Variants in ACER3 observed in about 807,000 individuals in gnomAD.
ACER3 encodes the protein alkCDase 3.
ACER3 carries 16 observed loss-of-function variants against 48.9 expected under a neutral mutation model. The ratio of observed to expected loss-of-function variants is 0.33; its 90% CI spans 0.22 to 0.50. ACER3 has a LOEUF of 0.50. Among genes scored for constraint, ACER3 ranks in the 20% least tolerant of loss-of-function variants. The pLI, the probability that ACER3 is intolerant of heterozygous loss-of-function variation, is 0.98. For missense variants in ACER3, 227 were observed against 326.0 expected, an observed-to-expected ratio of 0.70 and a Z score of 2.34; for synonymous variants, 109 against 107.8, an observed-to-expected ratio of 1.01 and a Z score of -0.07.
At position 76,960,350 on chromosome 11, in the gene ACER3, A is replaced by C. The variant is rs1947955539; in HGVS notation, c.267+1319A>C. ...CTTGAGCCTGGGAGGCGGAGATCGC[A>C]GTAAGCCAAGATCACGCCACTGCAC... On this transcript the variant is annotated intron_variant, in intron 3 of 10. Coordinates refer to ENST00000532485, the MANE Select transcript of ACER3 (RefSeq NM_018367.7). 2.0e-5 allele frequency among the ~76,000 whole-genome samples: 3 copies of C among 152,026 alleles called. No homozygotes were observed. The South Asian group carries it at 6.2e-4, about 32-fold the overall frequency.
At position 76,948,211 on chromosome 11, in the gene ACER3, C is replaced by CTGTGTA. The variant is rs1427598124; in HGVS notation, c.215-10763_215-10762insATGTGT. Among the ~76,000 whole-genome samples, 945 of 135,732 alleles carry CTGTGTA rather than the reference C, an allele frequency of 7.0e-3. 22 individuals carry two copies. The highest frequency in any genetic ancestry group is 0.02 in the African/African-American group (729 of 37,122). The allele number at this position is 135,732 out of a possible 152,430, so 89.0% of individuals were successfully genotyped here. A position where few individuals can be genotyped will look rare whatever the true frequency, so the allele number is the denominator to read the frequency against. ...TGCTGTAGCTCCATTCTGGCTCACT[C>CTGTGTA]TGTGTGTGTGTGTGTGTGTGTGTGT... On this transcript the variant is annotated intron_variant, in intron 2 of 10. Coordinates refer to ENST00000532485, the MANE Select transcript of ACER3 (RefSeq NM_018367.7).
At chr11:76,971,938 C>T (rs635835) in intron 3 of ACER3, among the ~76,000 whole-genome samples, 121,682 of 152,150 alleles carry the variant, frequency 0.8, 48,911 homozygotes, top group South Asian at 0.88. Context: ...AAAGCCTGTT[C>T]GCATCTGTTG....
intron 1 of ACER3, among the ~76,000 whole-genome samples, chr11:76,889,694 A>G (rs1471394330): frequency 6.6e-6 from 1 of 152,072 alleles, no homozygotes; most frequent in Non-Finnish European, 1.5e-5. Flanking sequence ...AGTTTCATGT[A>G]TTTGCATACA....
chr11:76,998,669 A>T, intron 6 of ACER3, 94 bp from the exon 7 acceptor site: 1 of 779,366 alleles, frequency 1.3e-6, no homozygotes, highest in Non-Finnish European at 2.1e-6. Flanking sequence ...ATAAATATTT[A>T]CATTTAATTG....
intron 1 of ACER3, among the ~76,000 whole-genome samples, chr11:76,876,514 C>T (rs967866327): frequency 6.6e-6 from 1 of 152,188 alleles, no homozygotes; most frequent in African/African-American, 2.4e-5. Context: ...CTGCTATAAA[C>T]ATTCTTGGGC....
chr11:76,877,504 C>A (rs948303740), intron 1 of ACER3, among the ~76,000 whole-genome samples: 6 of 151,788 alleles, frequency 4.0e-5, no homozygotes, highest in South Asian at 2.1e-4. Flanking sequence ...TTCTGAGTAG[C>A]AATTTTTCCT....
intron 1 of ACER3, among the ~76,000 whole-genome samples, chr11:76,883,802 GGATATTGTTGAGT>G (rs1199337427): frequency 6.6e-6 from 1 of 152,040 alleles, no homozygotes; most frequent in African/African-American, 2.4e-5. Context: ...CATGGTAATG[GGATATTGTTGAGT>G]GAATAGATTT....
intron 4 of ACER3, among the ~76,000 whole-genome samples, chr11:76,982,954 G>C (rs952625913): frequency 1.3e-5 from 2 of 152,090 alleles, no homozygotes; most frequent in African/African-American, 4.8e-5. Context: ...TGATCACTGC[G>C]TGTATCCTCA....
chr11:76,940,777 A>T (rs1199328248), intron 2 of ACER3, among the ~76,000 whole-genome samples: 3 of 152,168 alleles, frequency 2.0e-5, no homozygotes, highest in Non-Finnish European at 2.9e-5. Context: ...CGTCCCTTCT[A>T]TAAGACGAAG....
At chr11:77,004,067 A>G (rs1212307030) in intron 7 of ACER3, among the ~76,000 whole-genome samples, 1 of 152,210 alleles carries the variant, frequency 6.6e-6, no homozygotes, top group Admixed American at 6.5e-5. Context: ...ACATATGTCA[A>G]TTAGATCCTG....
intron 2 of ACER3, among the ~76,000 whole-genome samples, chr11:76,932,878 G>C (rs532565772): frequency 6.6e-6 from 1 of 151,124 alleles, no homozygotes; most frequent in African/African-American, 2.5e-5. Context: ...AGTAGCAATA[G>C]AAAGATAAAA....
intron 6 of ACER3, among the ~76,000 whole-genome samples, chr11:76,991,190 T>C (rs957587785): frequency 3.3e-5 from 5 of 152,140 alleles, no homozygotes; most frequent in Non-Finnish European, 5.9e-5. Context: ...AGCTCAGAAA[T>C]ATTAAGTAAT....
At chr11:76,976,215 T>A (rs1948440267) in intron 3 of ACER3, 74 bp from the exon 4 acceptor site, 1 of 1,107,082 alleles carries the variant, frequency 9.0e-7, no homozygotes, top group Non-Finnish European at 1.4e-6. Context: ...ATCATTTTGA[T>A]GTTTTATTTT....
intron 1 of ACER3, among the ~76,000 whole-genome samples, chr11:76,905,005 CCATGCCCAGCTAA>C (rs1946186032): frequency 6.6e-6 from 1 of 152,228 alleles, no homozygotes; most frequent in South Asian, 2.1e-4. Context: ...GTACATGCCA[CCATGCCCAGCTAA>C]TTTTTGTATT....
At chr11:77,000,339 A>G (rs1555019529) in intron 7 of ACER3, among the ~76,000 whole-genome samples, 1 of 152,082 alleles carries the variant, frequency 6.6e-6, no homozygotes, top group Non-Finnish European at 1.5e-5. Context: ...CTAATTCTTT[A>G]TTAAATATGT....
At chr11:76,997,188 C>T (rs1219727887) in intron 6 of ACER3, among the ~76,000 whole-genome samples, 1 of 152,056 alleles carries the variant, frequency 6.6e-6, no homozygotes, top group Admixed American at 6.5e-5. Flanking sequence ...CAATAATTCT[C>T]TTCCACTTTC....
At chr11:76,972,039 G>T (rs542819759) in intron 3 of ACER3, among the ~76,000 whole-genome samples, 2 of 152,118 alleles carry the variant, frequency 1.3e-5, no homozygotes, top group African/African-American at 2.4e-5. Flanking sequence ...CCTCTGAATC[G>T]CTGTCCTGAA....
intron 7 of ACER3, among the ~76,000 whole-genome samples, chr11:77,012,361 T>A (rs1555022348): frequency 7.6e-6 from 1 of 131,608 alleles, no homozygotes; most frequent in Non-Finnish European, 1.5e-5. Context: ...GAGGTTGCAG[T>A]GAACCAAGAT....
chr11:76,995,910 T>C (rs76856077), intron 6 of ACER3, among the ~76,000 whole-genome samples: 3,196 of 152,302 alleles, frequency 0.021, 112 homozygotes, highest in African/African-American at 0.073. Flanking sequence ...CAGTTCTGTT[T>C]CTTCAGCTGT....
Sources: allele counts gnomAD v4.1 joint callset (sites outside exome capture counted in the v4.1 genomes callset), GRCh38; gene constraint gnomAD v4.1.1; transcripts MANE v1.5; gene names NCBI Gene and HGNC (gene_info 2026-07-23, HGNC 2026-07-21).